The following DPYD variants were observed in gnomAD, a reference collection of about 807,000 sequenced individuals.
DPYD encodes the protein dihydropyrimidine dehydrogenase, also known as dihydropyrimidine dehydrogenase [NADP(+)].
Under a neutral mutation model 116.2 loss-of-function variants are expected in DPYD, and 109 were observed. That is an observed-to-expected ratio of 0.94 (90% CI 0.80 to 1.10). DPYD has a LOEUF of 1.10. DPYD is among the 50% of genes least tolerant of loss of function. DPYD has a pLI of 0.00. For missense variants in DPYD, 1,302 were observed against 1,254.5 expected (o/e 1.04, Z -0.57); for synonymous variants, 440 against 432.0 (o/e 1.02, Z -0.23).
chr1:97,189,292 C>A (rs1458750974), intron 20 of DPYD, among the ~76,000 whole-genome samples: 2 of 152,102 alleles, frequency 1.3e-5, no homozygotes, highest in Non-Finnish European at 2.9e-5. Flanking sequence ...CAGGGAATAG[C>A]TCAAAAAGTG....
chr1:97,744,072 T>C (rs940501088), intron 3 of DPYD, among the ~76,000 whole-genome samples: 2 of 152,034 alleles, frequency 1.3e-5, no homozygotes, highest in African/African-American at 4.8e-5. Flanking sequence ...GAGCAAAATA[T>C]AGAATACTTA....
intron 16 of DPYD, among the ~76,000 whole-genome samples, chr1:97,347,790 C>T (rs548625929): frequency 2.9e-4 from 44 of 152,192 alleles, no homozygotes; most frequent in African/African-American, 1.0e-3. Flanking sequence ...CATTATCTCA[C>T]ACAGTCTTCA....
chr1:97,852,348 A>G (rs1670615659), intron 2 of DPYD, among the ~76,000 whole-genome samples: 1 of 152,076 alleles, frequency 6.6e-6, no homozygotes, highest in Non-Finnish European at 1.5e-5. Context: ...GTTATTACTA[A>G]TATTAGTATA....
intron 3 of DPYD, among the ~76,000 whole-genome samples, chr1:97,788,111 C>T (rs1667135928): frequency 6.6e-6 from 1 of 152,142 alleles, no homozygotes; most frequent in South Asian, 2.1e-4. Flanking sequence ...CAACAGCAAT[C>T]CATGAGGTAT....
At chr1:97,774,043 C>T (rs1470188860) in intron 3 of DPYD, among the ~76,000 whole-genome samples, 1 of 152,182 alleles carries the variant, frequency 6.6e-6, no homozygotes, top group Non-Finnish European at 1.5e-5. Flanking sequence ...GAGCCGTAAA[C>T]ACCCAACCCT....
At chr1:97,794,951 T>C (rs191359077) in intron 3 of DPYD, among the ~76,000 whole-genome samples, 4 of 152,310 alleles carry the variant, frequency 2.6e-5, no homozygotes, top group East Asian at 1.9e-4. Context: ...GATTTTTGTA[T>C]ATCAATCTTG....
chr1:97,726,801 C>A (rs61303243), intron 4 of DPYD, among the ~76,000 whole-genome samples: 1 of 151,256 alleles, frequency 6.6e-6, no homozygotes, highest in Non-Finnish European at 1.5e-5. Context: ...CCCAAATTAG[C>A]TTCAAGATTG....
At chr1:97,726,487 G>A (rs890899871) in intron 4 of DPYD, among the ~76,000 whole-genome samples, 7 of 151,484 alleles carry the variant, frequency 4.6e-5, no homozygotes, top group African/African-American at 1.7e-4. Context: ...CAACTGAGCA[G>A]GTCATCATTG....
chr1:97,893,610 A>G (rs1302781407), intron 1 of DPYD, among the ~76,000 whole-genome samples: 1 of 151,334 alleles, frequency 6.6e-6, no homozygotes, highest in Non-Finnish European at 1.5e-5. Flanking sequence ...ACATCAAAAA[A>G]TGTTATCAAC....
intron 1 of DPYD, among the ~76,000 whole-genome samples, chr1:97,888,510 C>T (rs1486216715): frequency 1.3e-5 from 2 of 151,126 alleles, no homozygotes; most frequent in African/African-American, 4.9e-5. Context: ...AGGTATATTA[C>T]ACTATACCTT....
intron 8 of DPYD, among the ~76,000 whole-genome samples, chr1:97,608,544 A>G (rs1163567607): frequency 6.6e-6 from 1 of 151,854 alleles, no homozygotes; most frequent in Non-Finnish European, 1.5e-5. Flanking sequence ...CGGTTTCCCT[A>G]CCTACTAGCT....
At chr1:97,601,470 G>GTA (rs1443701571) in intron 8 of DPYD, among the ~76,000 whole-genome samples, 8 of 152,006 alleles carry the variant, frequency 5.3e-5, no homozygotes, top group East Asian at 1.9e-4. Context: ...ATGCATCTAT[G>GTA]TATATATATG....
At chr1:97,914,994 A>C (rs538942992) in intron 1 of DPYD, among the ~76,000 whole-genome samples, 5 of 152,308 alleles carry the variant, frequency 3.3e-5, no homozygotes, top group African/African-American at 1.2e-4. Flanking sequence ...TGATGTTTAT[A>C]TAATGTACAT....
In DPYD at chr1:97,345,711, G is replaced by A. The variant is rs575988117; in HGVS notation, c.2058+27850C>T. Among the ~76,000 whole-genome samples the A allele has an allele frequency of 1.6e-4, 24 of 152,002 alleles. No individual in the cohort carries two copies. In the East Asian group the frequency reaches 2.3e-3, roughly 15 times the overall value. ...ATTACAACTCCATGAGATGAATGCT[G>A]TTATTAACCCATTTTACAGAAGACA... is the stretch of plus-strand genomic sequence containing the variant. On this transcript the variant is annotated intron_variant, in intron 16 of 22. Transcript: ENST00000370192.
chr1:97,316,346 A>AC lies in DPYD; in HGVS notation c.2059-10050_2059-10049insG, dbSNP rs528725274. On this transcript the variant is annotated intron_variant, in intron 16 of 22. Coordinates refer to ENST00000370192, the MANE Select transcript of DPYD (RefSeq NM_000110.4). ...CTCTAGTAAAAGTAAAAAAAAGAAA[A>AC]AAAAAAACAAAAAAACAAAAAACCA... Among the ~76,000 whole-genome samples the AC allele has an allele frequency of 7.9e-4, 119 of 150,412 alleles. 1 individual carries two copies. The highest frequency in any genetic ancestry group is 3.4e-3 in the Middle Eastern group (1 of 294).
chr1:97,663,448 C>T (rs1226851723), intron 8 of DPYD, among the ~76,000 whole-genome samples: 2 of 152,168 alleles, frequency 1.3e-5, no homozygotes, highest in African/African-American at 4.8e-5. Context: ...AACCAAGACT[C>T]ATTCATTGTA....
intron 8 of DPYD, among the ~76,000 whole-genome samples, chr1:97,617,262 G>T (rs2100761688): frequency 6.6e-6 from 1 of 152,116 alleles, no homozygotes; most frequent in African/African-American, 2.4e-5. Flanking sequence ...AGAACCACAA[G>T]ACTGTTCTAA....
chr1:97,902,057 T>A (rs951678172), intron 1 of DPYD, among the ~76,000 whole-genome samples: 4 of 151,800 alleles, frequency 2.6e-5, no homozygotes, highest in African/African-American at 9.7e-5. Flanking sequence ...CCTTTCAGCT[T>A]ACTGAGTATG....
chr1:97,660,842 T>C (rs1659213804), intron 8 of DPYD, among the ~76,000 whole-genome samples: 1 of 152,162 alleles, frequency 6.6e-6, no homozygotes, highest in South Asian at 2.1e-4. Context: ...TCTGCCTATG[T>C]TCTTCTTTTC....
Sources: allele counts gnomAD v4.1 joint callset (sites outside exome capture counted in the v4.1 genomes callset), GRCh38; gene constraint gnomAD v4.1.1; transcripts MANE v1.5; gene names NCBI Gene and HGNC (gene_info 2026-07-23, HGNC 2026-07-21).